The following ST6GAL1 variants were observed in gnomAD, a reference collection of about 807,000 sequenced individuals.
ST6GAL1 encodes the protein beta-galactoside alpha-2,6-sialyltransferase 1.
ST6GAL1 carries 20 observed loss-of-function variants against 38.0 expected under a neutral mutation model. The ratio of observed to expected loss-of-function variants is 0.53; its 90% CI spans 0.37 to 0.77. The LOEUF (loss-of-function observed/expected upper bound fraction) is 0.77. ST6GAL1 is among the 30% of genes least tolerant of loss of function. ST6GAL1 has a pLI of 0.00. For synonymous variants in ST6GAL1, 196 were observed against 188.2 expected (o/e 1.04, Z -0.34); for missense variants, 432 against 496.4 (o/e 0.87, Z 1.23).
intron 1 of ST6GAL1, among the ~76,000 whole-genome samples, chr3:186,936,798 G>A (rs377257451): frequency 9.9e-5 from 15 of 151,994 alleles, no homozygotes; most frequent in Non-Finnish European, 1.8e-4. Flanking sequence ...AAAATCAGCC[G>A]GACATGGTGG....
chr3:187,029,655 G>T (rs777744401), intron 2 of ST6GAL1, among the ~76,000 whole-genome samples: 14 of 152,216 alleles, frequency 9.2e-5, no homozygotes, highest in Admixed American at 5.9e-4. Context: ...TCGCGAACTT[G>T]AAGTGAAATC....
intron 2 of ST6GAL1, among the ~76,000 whole-genome samples, chr3:186,999,224 T>TTAACACCAC (rs112883652): frequency 0.012 from 1,801 of 152,290 alleles, 34 homozygotes; most frequent in African/African-American, 0.041. Flanking sequence ...CGTGGGACCA[T>TTAACACCAC]TAACACCACT....
intron 5 of ST6GAL1, among the ~76,000 whole-genome samples, chr3:187,070,251 G>A (rs958426328): frequency 6.6e-6 from 1 of 152,022 alleles, no homozygotes; most frequent in Non-Finnish European, 1.5e-5. Flanking sequence ...AAAACCAGAG[G>A]TGTTGGTGGT....
intron 1 of ST6GAL1, among the ~76,000 whole-genome samples, chr3:186,935,883 A>G (rs1713933511): frequency 6.6e-6 from 1 of 151,940 alleles, no homozygotes; most frequent in Non-Finnish European, 1.5e-5. Flanking sequence ...GGTGACTAGA[A>G]CTAGTAAAAA....
intron 7 of ST6GAL1, among the ~76,000 whole-genome samples, chr3:187,074,847 T>G (rs1346325924): frequency 1.3e-5 from 2 of 152,142 alleles, no homozygotes; most frequent in Non-Finnish European, 2.9e-5. Flanking sequence ...TCAAGATAAA[T>G]AATATTTCAC....
chr3:187,075,001 C>G lies in ST6GAL1; in HGVS notation c.980-561C>G, dbSNP rs941767170. 2.6e-4 allele frequency among the ~76,000 whole-genome samples: 40 copies of G among 152,152 alleles called. No individual in the cohort carries two copies. The highest frequency in any genetic ancestry group is 9.7e-4 in the African/African-American group (40 of 41,420). ...CAGGGGCCCCCTTCTTGGATTTTCT[C>G]TACATCTCATCATTCAGACTGTGGA... On this transcript the variant is annotated intron_variant, in intron 7 of 7. Coordinates refer to ENST00000169298, the MANE Select transcript of ST6GAL1 (RefSeq NM_173216.2). This position sits in a 1 kb window ranked among gnomAD's most constrained non-coding sequence, Gnocchi z 4.1.
At chr3:187,060,389 G>T (rs1239028678) in intron 5 of ST6GAL1, among the ~76,000 whole-genome samples, 1 of 151,898 alleles carries the variant, frequency 6.6e-6, no homozygotes, top group Admixed American at 6.6e-5. Context: ...TCAAACTCCT[G>T]ACCTCAGGTG....
intron 3 of ST6GAL1, among the ~76,000 whole-genome samples, chr3:187,040,722 G>A (rs1285012002): frequency 2.6e-5 from 4 of 152,136 alleles, no homozygotes; most frequent in East Asian, 3.8e-4. Flanking sequence ...GGGTGTCTGC[G>A]GAAATTGAAT....
rs188254565 is a variant in ST6GAL1 at position 187,048,724 on chromosome 3, A to G, written c.608-2525A>G. ...GTGCCTGGCATAGAGTAGGTGCTCA[A>G]TCAGTATTTGTTGACTGAACAAAAC... is the stretch of plus-strand genomic sequence containing the variant. On this transcript the variant is annotated intron_variant, in intron 4 of 7. Coordinates refer to ENST00000169298, the MANE Select transcript of ST6GAL1 (RefSeq NM_173216.2). 3.9e-5 allele frequency among the ~76,000 whole-genome samples: 6 copies of G among 152,216 alleles called. No homozygotes were observed. In the East Asian group the frequency reaches 7.7e-4, roughly 20 times the overall value.
intron 2 of ST6GAL1, among the ~76,000 whole-genome samples, chr3:186,979,211 G>T (rs1715613865): frequency 6.6e-6 from 1 of 152,070 alleles, no homozygotes; most frequent in Non-Finnish European, 1.5e-5. Context: ...TAACTGAAAT[G>T]TTAGGTTAGG....
intron 2 of ST6GAL1, among the ~76,000 whole-genome samples, chr3:187,023,346 T>C (rs1717396708): frequency 6.6e-6 from 1 of 152,228 alleles, no homozygotes; most frequent in South Asian, 2.1e-4. Flanking sequence ...TGTTTGACTC[T>C]TTATTTATCC....
intron 2 of ST6GAL1, among the ~76,000 whole-genome samples, chr3:186,999,429 T>G (rs1716536866): frequency 7.1e-6 from 1 of 141,332 alleles, no homozygotes; most frequent in Non-Finnish European, 1.6e-5. Flanking sequence ...TTTTTTTTTT[T>G]GAGACGGAGT....
At chr3:187,010,227 A>G (rs1348414239) in intron 2 of ST6GAL1, among the ~76,000 whole-genome samples, 1 of 152,176 alleles carries the variant, frequency 6.6e-6, no homozygotes, top group Non-Finnish European at 1.5e-5. Flanking sequence ...ATGCTTTGAT[A>G]TATTTAATCA....
At chr3:187,058,996 A>C (rs778689866) in intron 5 of ST6GAL1, among the ~76,000 whole-genome samples, 5 of 152,164 alleles carry the variant, frequency 3.3e-5, no homozygotes, top group Non-Finnish European at 5.9e-5. Flanking sequence ...GGCTAGCAAG[A>C]AGCTCTCTGG....
intron 2 of ST6GAL1, among the ~76,000 whole-genome samples, chr3:186,977,299 C>A (rs116557699): frequency 6.6e-6 from 1 of 152,186 alleles, no homozygotes; most frequent in South Asian, 2.1e-4. Context: ...TAGCCACCAC[C>A]GCTAGCAGAA....
At chr3:187,068,397 T>G (rs976170710) in intron 5 of ST6GAL1, among the ~76,000 whole-genome samples, 5 of 151,962 alleles carry the variant, frequency 3.3e-5, no homozygotes, top group African/African-American at 4.8e-5. Context: ...AGAATCCAAT[T>G]CAGACTCTCT....
intron 2 of ST6GAL1, among the ~76,000 whole-genome samples, chr3:187,030,844 C>T (rs1430581412): frequency 6.6e-6 from 1 of 152,100 alleles, no homozygotes; most frequent in Non-Finnish European, 1.5e-5. Flanking sequence ...GTAGTAAATT[C>T]CCTGTCATTC....
intron 2 of ST6GAL1, among the ~76,000 whole-genome samples, chr3:186,997,417 G>C (rs1716454128): frequency 6.6e-6 from 1 of 152,216 alleles, no homozygotes; most frequent in South Asian, 2.1e-4. Flanking sequence ...TCTGTCTCAG[G>C]ATGGTAAACT....
At chr3:186,935,411 C>A (rs1201664530) in intron 1 of ST6GAL1, among the ~76,000 whole-genome samples, 1 of 152,016 alleles carries the variant, frequency 6.6e-6, no homozygotes, top group Non-Finnish European at 1.5e-5. Context: ...ATCTAGGCTA[C>A]TGTTGATGGG....
Sources: gnomAD v4.1 joint callset for allele counts (sites outside exome capture counted in the v4.1 genomes callset) on GRCh38, gnomAD v4.1.1 for gene constraint, Gnocchi (gnomAD v3.1) non-coding constraint, MANE v1.5 for transcripts, NCBI Gene and HGNC (gene_info 2026-07-23, HGNC 2026-07-21) for gene names.